Variants in PDE4B observed in about 807,000 individuals in gnomAD.
PDE4B encodes phosphodiesterase 4B, also known as 3',5'-cyclic-AMP phosphodiesterase 4B.
A neutral mutation model predicts 82.2 loss-of-function variants in PDE4B; 20 were observed. That is an observed-to-expected ratio of 0.24 (90% CI 0.17 to 0.35). The LOEUF is 0.35. Among genes scored for constraint, PDE4B ranks in the 10% least tolerant of loss-of-function variants. The pLI is 1.00. For synonymous variants in PDE4B, 320 were observed against 318.9 expected (o/e 1.00, Z -0.04); for missense variants, 655 against 907.2 (o/e 0.72, Z 3.57).
intron 3 of PDE4B, among the ~76,000 whole-genome samples, chr1:66,190,276 G>C (rs540911750): frequency 1.3e-4 from 20 of 152,300 alleles, no homozygotes; most frequent in South Asian, 4.1e-4. Context: ...GGCTACTCGG[G>C]GGTCAAGGAC....
At chr1:66,105,150 C>T (rs1367029555) in intron 3 of PDE4B, among the ~76,000 whole-genome samples, 2 of 151,436 alleles carry the variant, frequency 1.3e-5, no homozygotes, top group Admixed American at 1.3e-4. Flanking sequence ...TTTCAGCTTT[C>T]TACATATGGC....
At chr1:66,322,470 GA>G (rs1361322633) in intron 7 of PDE4B, among the ~76,000 whole-genome samples, 2 of 150,744 alleles carry the variant, frequency 1.3e-5, no homozygotes, top group Non-Finnish European at 3.0e-5. Flanking sequence ...AAATTTACAA[GA>G]AAAAAACAAC....
intron 1 of PDE4B, among the ~76,000 whole-genome samples, chr1:65,885,050 G>A (rs1183760749): frequency 6.6e-6 from 1 of 151,974 alleles, no homozygotes; most frequent in African/African-American, 2.4e-5. Context: ...AGTGGGCAAA[G>A]GAGATGAACA....
At chr1:65,887,192 TTC>T (rs1450765177) in intron 1 of PDE4B, among the ~76,000 whole-genome samples, 7 of 12,478 alleles carry the variant, frequency 5.6e-4, no homozygotes, top group Admixed American at 1.1e-3. Flanking sequence ...CCCTTTTTCT[TTC>T]TTTCTTTCTT....
intron 3 of PDE4B, among the ~76,000 whole-genome samples, chr1:66,220,245 T>A (rs886208634): frequency 7.2e-5 from 11 of 152,148 alleles, no homozygotes; most frequent in Non-Finnish European, 1.6e-4. Flanking sequence ...TGCTCTTTGA[T>A]CCCCTCTACT....
rs528682588 is a variant in PDE4B at position 65,971,454 on chromosome 1, A to G, written c.281+52619A>G. ...TGTGGTACTAAGTAGTTATTTAGGC[A>G]TCTCTATTAATAGACAGTAATAGGT... On this transcript the variant is annotated intron_variant, in intron 3 of 16. Transcript: ENST00000341517. Among the ~76,000 whole-genome samples the G allele has an allele frequency of 2.4e-3, 372 of 152,264 alleles. 2 individuals carry two copies. Among genetic ancestry groups the G allele is most frequent in the Non-Finnish European group, 4.0e-3 (274 of 68,014 alleles).
intron 7 of PDE4B, among the ~76,000 whole-genome samples, chr1:66,291,349 A>G (rs1231590232): frequency 2.0e-5 from 3 of 152,168 alleles, no homozygotes; most frequent in Admixed American, 6.5e-5. Flanking sequence ...TCTAGATACT[A>G]GGCTCTTTTA....
At chr1:66,326,492 A>G (rs1433936404) in intron 7 of PDE4B, among the ~76,000 whole-genome samples, 2 of 152,138 alleles carry the variant, frequency 1.3e-5, no homozygotes, top group East Asian at 3.8e-4. Context: ...TATACATTTT[A>G]ATATTTGGTT....
intron 3 of PDE4B, among the ~76,000 whole-genome samples, chr1:66,105,741 G>A (rs567947034): frequency 1.3e-3 from 193 of 152,134 alleles, no homozygotes; most frequent in African/African-American, 4.5e-3. Context: ...CTCTCTGTTT[G>A]TCTGTTATTG....
intron 7 of PDE4B, among the ~76,000 whole-genome samples, chr1:66,286,947 G>A (rs1230393648): frequency 6.6e-6 from 1 of 152,048 alleles, no homozygotes; most frequent in Non-Finnish European, 1.5e-5. Context: ...AATCTTAAAC[G>A]TAGCAACACT....
intron 7 of PDE4B, among the ~76,000 whole-genome samples, chr1:66,307,465 A>T (rs1403390164): frequency 6.6e-6 from 1 of 152,182 alleles, no homozygotes; most frequent in East Asian, 1.9e-4. Flanking sequence ...TCCACAGCAC[A>T]AAGTGGTGAA....
intron 1 of PDE4B, among the ~76,000 whole-genome samples, chr1:65,896,308 T>A (rs1646910203): frequency 6.6e-6 from 1 of 152,158 alleles, no homozygotes; most frequent in Non-Finnish European, 1.5e-5. Context: ...GAACTCCCCT[T>A]TATAAAGCTA....
At chr1:65,853,675 A>G (rs1427296736) in intron 1 of PDE4B, among the ~76,000 whole-genome samples, 2 of 151,910 alleles carry the variant, frequency 1.3e-5, no homozygotes, top group African/African-American at 4.8e-5. Context: ...GACTACAGGC[A>G]TGCACCACCA....
intron 4 of PDE4B, among the ~76,000 whole-genome samples, chr1:66,255,258 AT>A (rs1269740640): frequency 2.7e-5 from 4 of 150,010 alleles, no homozygotes; most frequent in Non-Finnish European, 4.5e-5. Flanking sequence ...CTAATTTTGT[AT>A]TTTTTTTTAG....
At chr1:65,950,225 G>A (rs952535357) in intron 3 of PDE4B, among the ~76,000 whole-genome samples, 1 of 152,028 alleles carries the variant, frequency 6.6e-6, no homozygotes, top group African/African-American at 2.4e-5. Flanking sequence ...AACACCCAGA[G>A]TATTGTCGCA....
intron 3 of PDE4B, among the ~76,000 whole-genome samples, chr1:66,200,195 A>G (rs536119704): frequency 1.2e-4 from 18 of 152,164 alleles, no homozygotes; most frequent in African/African-American, 4.1e-4. Context: ...GTTCTATTCC[A>G]TTGGTCTATA....
chr1:65,928,803 G>A (rs1213173455), intron 3 of PDE4B, among the ~76,000 whole-genome samples: 1 of 152,112 alleles, frequency 6.6e-6, no homozygotes, highest in Non-Finnish European at 1.5e-5. Flanking sequence ...GGCATTTCCA[G>A]CTTGCTTACA....
rs753211265 is a variant in PDE4B at position 66,332,630 on chromosome 1, G to A, written c.747+10G>A. ...GATGGCTTCTAACAAGGTAAGAGAT[G>A]ATCTTTTTATTCATTAAAGTGTGAT... On this transcript the variant is annotated intron_variant, in intron 8 of 16. Coordinates refer to ENST00000341517, the MANE Select transcript of PDE4B (RefSeq NM_002600.4). 2.5e-6 allele frequency: 4 copies of A among 1,612,032 alleles called. No homozygotes were observed. The highest frequency in any genetic ancestry group is 3.4e-6 in the Non-Finnish European group (4 of 1,178,670).
chr1:66,254,981 C>T (rs1239312476), intron 4 of PDE4B, among the ~76,000 whole-genome samples: 2 of 152,080 alleles, frequency 1.3e-5, no homozygotes, highest in African/African-American at 2.4e-5. Context: ...CACTAAAAAC[C>T]TTCCCTGGCT....
Sources: gnomAD v4.1 joint callset for allele counts (sites outside exome capture counted in the v4.1 genomes callset) on GRCh38, gnomAD v4.1.1 for gene constraint, MANE v1.5 for transcripts, NCBI Gene and HGNC (gene_info 2026-07-23, HGNC 2026-07-21) for gene names.